Variants in TRIM37 observed in about 807,000 individuals in gnomAD.
The protein encoded by TRIM37 is E3 ubiquitin-protein ligase TRIM37.
A neutral mutation model predicts 129.8 loss-of-function variants in TRIM37; 80 were observed. The ratio of observed to expected loss-of-function variants is 0.62; its 90% CI spans 0.51 to 0.74. The LOEUF (loss-of-function observed/expected upper bound fraction) is 0.74. TRIM37 is among the 30% of genes least tolerant of loss of function. The pLI is 0.00. For missense variants in TRIM37, 1,054 were observed against 1,176.5 expected (o/e 0.90, Z 1.52); for synonymous variants, 389 against 387.1 (o/e 1.00, Z -0.06).
At chr17:59,022,227 G>C (rs1390853133) in intron 19 of TRIM37, among the ~76,000 whole-genome samples, 3 of 152,078 alleles carry the variant, frequency 2.0e-5, no homozygotes, top group Non-Finnish European at 2.9e-5. Context: ...TAAAATATTA[G>C]CAAACTGAAT....
intron 2 of TRIM37, among the ~76,000 whole-genome samples, chr17:59,099,048 T>C (rs1002325717): frequency 6.6e-6 from 1 of 152,122 alleles, no homozygotes; most frequent in Admixed American, 6.5e-5. Flanking sequence ...CTGGGTGTAC[T>C]GGCGCACACC....
chr17:59,051,966 G>A (rs932236454), intron 13 of TRIM37, among the ~76,000 whole-genome samples: 12 of 151,838 alleles, frequency 7.9e-5, no homozygotes, highest in Non-Finnish European at 1.6e-4. Context: ...TCACGTTCCC[G>A]TATTTCCTGC....
At chr17:59,005,969 T>C (rs1293037642) in intron 22 of TRIM37, among the ~76,000 whole-genome samples, 1 of 152,212 alleles carries the variant, frequency 6.6e-6, no homozygotes, top group Non-Finnish European at 1.5e-5. Flanking sequence ...GGTATCAGTA[T>C]TTCCAGTTTT....
At chr17:59,104,881 C>T (rs998323568) in intron 1 of TRIM37, among the ~76,000 whole-genome samples, 3 of 151,924 alleles carry the variant, frequency 2.0e-5, no homozygotes, top group African/African-American at 2.4e-5. Context: ...CACTCGAGGT[C>T]GGGAGTTCGA....
chr17:58,972,300 G>A, the TRIM37 span: 3 of 1,591,140 alleles, frequency 1.9e-6, no homozygotes, highest in African/African-American at 2.7e-5. Context: ...TTTTAATAGA[G>A]CCCATGCTCT....
At chr17:59,028,779 T>A in intron 18 of TRIM37, 56 bp from the exon 19 acceptor site, 1 of 1,589,016 alleles carries the variant, frequency 6.3e-7, no homozygotes, top group Non-Finnish European at 8.6e-7. Context: ...ATGAAATCAT[T>A]TGTACCATGA....
At chr17:59,010,307 T>C (rs1381927890) in intron 22 of TRIM37, among the ~76,000 whole-genome samples, 1 of 152,186 alleles carries the variant, frequency 6.6e-6, no homozygotes, top group Non-Finnish European at 1.5e-5. Flanking sequence ...CTGAGGATGC[T>C]GCTAAACATT....
intron 22 of TRIM37, among the ~76,000 whole-genome samples, chr17:59,005,170 A>G (rs2034311770): frequency 6.6e-6 from 1 of 152,238 alleles, no homozygotes; most frequent in South Asian, 2.1e-4. Context: ...TTCCCGACAA[A>G]TACCAACCTT....
chr17:59,000,078 G>T (rs1382149506), intron 23 of TRIM37, among the ~76,000 whole-genome samples: 2 of 152,186 alleles, frequency 1.3e-5, no homozygotes, highest in Non-Finnish European at 2.9e-5. Context: ...GGAATGTTCA[G>T]ATTGATTATT....
chr17:59,088,245 A>G (rs1298618450), intron 4 of TRIM37, 46 bp downstream of exon 4: 4 of 1,323,276 alleles, frequency 3.0e-6, no homozygotes, highest in Non-Finnish European at 4.4e-6. Flanking sequence ...TAAACAATAC[A>G]AAGGCAAAAT....
chr17:58,977,701 C>T (rs2031098372), downstream of TRIM37, among the ~76,000 whole-genome samples: 1 of 152,142 alleles, frequency 6.6e-6, no homozygotes, highest in Non-Finnish European at 1.5e-5. Context: ...TCCTAATGAG[C>T]TTTCTAGCCT....
intron 17 of TRIM37, among the ~76,000 whole-genome samples, chr17:59,034,695 C>T (rs2038268072): frequency 6.6e-6 from 1 of 152,098 alleles, no homozygotes; most frequent in Non-Finnish European, 1.5e-5. Context: ...TCACATTTCC[C>T]CACAGGCATC....
intron 5 of TRIM37, among the ~76,000 whole-genome samples, chr17:59,082,732 GTTC>G (rs1239656535): frequency 6.6e-6 from 1 of 152,158 alleles, no homozygotes; most frequent in African/African-American, 2.4e-5. Context: ...CCTCCTATAA[GTTC>G]TTACTAGAAT....
chr17:59,077,637 C>T (rs1355502940), intron 7 of TRIM37, among the ~76,000 whole-genome samples: 2 of 151,756 alleles, frequency 1.3e-5, no homozygotes, highest in African/African-American at 4.8e-5. Context: ...TGGTAAAACC[C>T]TGTCTCTACT....
At chr17:59,019,217 T>C (rs2036291511) in intron 19 of TRIM37, among the ~76,000 whole-genome samples, 6 of 152,212 alleles carry the variant, frequency 3.9e-5, no homozygotes, top group Admixed American at 3.9e-4. Context: ...ATAGCAGCAC[T>C]ACTGATAATA....
At position 59,006,867 on chromosome 17, in the gene TRIM37, C is replaced by T. The variant is rs138800073; in HGVS notation, c.2696-5153G>A. ...TTGCACCACTGCACTCCAGCCTGGG[C>T]GACAGAGCAACACTCTGTCTCCAAA... On this transcript the variant is annotated intron_variant, in intron 22 of 23. Coordinates refer to ENST00000262294, the MANE Select transcript of TRIM37 (RefSeq NM_015294.6). 7.0e-3 allele frequency among the ~76,000 whole-genome samples: 1,060 copies of T among 151,508 alleles called. 6 individuals carry two copies. The highest frequency in any genetic ancestry group is 8.2e-3 in the African/African-American group (338 of 41,234).
chr17:59,094,140 C>T (rs1291758457), intron 2 of TRIM37, among the ~76,000 whole-genome samples: 2 of 152,042 alleles, frequency 1.3e-5, no homozygotes, highest in East Asian at 1.9e-4. Flanking sequence ...GTGATCTGCC[C>T]GCCTGGGCCT....
chr17:59,076,382 A>G, intron 7 of TRIM37, among the ~76,000 whole-genome samples: 1 of 152,194 alleles, frequency 6.6e-6, no homozygotes, highest in Non-Finnish European at 1.5e-5. Context: ...CTCTACAAAA[A>G]AGTAAAAAAT....
Position 59,088,357 on chromosome 17 carries a change from A to G in TRIM37, c.215T>C (p.Val72Ala). Residue 72 changes from valine (V) to alanine (A), a missense_variant, in exon 4 of 24, where the codon GTA becomes GCA. This residue lies in a region of TRIM37 where 752 missense variants were observed against 870.8 expected (regional missense o/e 0.86). Transcript: ENST00000262294. ...TTGAAGAGTATCAAGCTGTTGTGTT[A>G]CTTCTTCTGCCCAACGACAATTTAC... ...ELVNCRWAEE[V>A]TQQLDTLQLC... The G allele has an allele frequency of 6.2e-7, 1 of 1,613,930 alleles. No individual in the cohort carries two copies. Among genetic ancestry groups the G allele is most frequent in the Non-Finnish European group, 8.5e-7 (1 of 1,179,896 alleles).
Sources: allele counts gnomAD v4.1 joint callset (sites outside exome capture counted in the v4.1 genomes callset), GRCh38; gene constraint gnomAD v4.1.1; regional missense constraint gnomAD v4.1.1; transcripts MANE v1.5; gene names NCBI Gene and HGNC (gene_info 2026-07-23, HGNC 2026-07-21).